RBM20: variants seen among roughly 807,000 people sequenced by gnomAD.
RBM20 encodes the protein RNA-binding protein 20.
RBM20 carries 51 observed loss-of-function variants against 110.1 expected under a neutral mutation model. That is an observed-to-expected ratio of 0.46 (90% CI 0.37 to 0.59). The LOEUF (loss-of-function observed/expected upper bound fraction) is 0.59. Ranked by LOEUF, RBM20 falls within the 20% of genes least tolerant of loss-of-function variation. RBM20 has a pLI of 0.00. For missense variants in RBM20, 1,512 were observed against 1,574.9 expected (o/e 0.96, Z 0.68); for synonymous variants, 589 against 618.2 (o/e 0.95, Z 0.70).
chr10:110,753,343 T>C (rs1334591097), intron 1 of RBM20, among the ~76,000 whole-genome samples: 2 of 152,120 alleles, frequency 1.3e-5, no homozygotes, highest in African/African-American at 2.4e-5. Flanking sequence ...TCCCAACTTA[T>C]TTTCTCTCAT....
intron 1 of RBM20, among the ~76,000 whole-genome samples, chr10:110,696,841 C>G (rs982859361): frequency 6.6e-6 from 1 of 152,178 alleles, no homozygotes; most frequent in Non-Finnish European, 1.5e-5. Flanking sequence ...ATAGTAAAGT[C>G]TGCAACTCTT....
intron 5 of RBM20, among the ~76,000 whole-genome samples, chr10:110,789,489 G>T (rs116224238): frequency 6.7e-6 from 1 of 149,662 alleles, no homozygotes; most frequent in Non-Finnish European, 1.5e-5. Context: ...ACAGGGTCTC[G>T]CTGTGTCACC....
At chr10:110,732,349 A>T (rs1260368230) in intron 1 of RBM20, among the ~76,000 whole-genome samples, 3 of 151,972 alleles carry the variant, frequency 2.0e-5, no homozygotes, top group African/African-American at 4.8e-5. Flanking sequence ...TATGAGAATT[A>T]TTTTTTATGA....
intron 9 of RBM20, among the ~76,000 whole-genome samples, chr10:110,815,667 T>A (rs1844828644): frequency 6.6e-6 from 1 of 152,234 alleles, no homozygotes; most frequent in Non-Finnish European, 1.5e-5. Context: ...CTCACACTCC[T>A]GAGACTCTGC....
chr10:110,709,892 A>G (rs1415524258), intron 1 of RBM20, among the ~76,000 whole-genome samples: 1 of 152,154 alleles, frequency 6.6e-6, no homozygotes, highest in Non-Finnish European at 1.5e-5. Context: ...CAAAAATCAT[A>G]AAGTTCAACT....
At chr10:110,802,351 T>G (rs1844638372) in intron 7 of RBM20, among the ~76,000 whole-genome samples, 2 of 151,470 alleles carry the variant, frequency 1.3e-5, no homozygotes, top group Non-Finnish European at 2.9e-5. Context: ...TGAAATTCCT[T>G]TACTAACAGT....
chr10:110,664,041 T>C (rs1862143635), intron 1 of RBM20, among the ~76,000 whole-genome samples: 1 of 152,218 alleles, frequency 6.6e-6, no homozygotes, highest in African/African-American at 2.4e-5. Flanking sequence ...ATTGGAAATA[T>C]TAGTAAGAAC....
At chr10:110,803,742 T>C (rs1026024383) in intron 7 of RBM20, among the ~76,000 whole-genome samples, 1 of 149,352 alleles carries the variant, frequency 6.7e-6, no homozygotes, top group African/African-American at 2.5e-5. Context: ...GTCCCTATGT[T>C]GATATGAATC....
intron 1 of RBM20, among the ~76,000 whole-genome samples, chr10:110,749,511 G>T (rs1843826673): frequency 1.3e-5 from 2 of 152,062 alleles, no homozygotes; most frequent in Non-Finnish European, 2.9e-5. Flanking sequence ...TCGTAGATAG[G>T]ATAGCTCATT....
chr10:110,718,608 CT>C (rs61629487), intron 1 of RBM20, among the ~76,000 whole-genome samples: 2,802 of 101,494 alleles, frequency 0.028, 23 homozygotes, highest in Middle Eastern at 0.043. Flanking sequence ...CTACTCCATT[CT>C]TTTTTTTTTT....
At chr10:110,693,546 T>G (rs1428663292) in intron 1 of RBM20, among the ~76,000 whole-genome samples, 5 of 152,230 alleles carry the variant, frequency 3.3e-5, no homozygotes, top group Non-Finnish European at 7.3e-5. Context: ...TAAACTAAAC[T>G]GTTGGCAAAT....
chr10:110,814,482 G>A (rs745348949), intron 9 of RBM20, among the ~76,000 whole-genome samples: 2 of 151,790 alleles, frequency 1.3e-5, no homozygotes, highest in Non-Finnish European at 2.9e-5. Context: ...GAAAAAAGCA[G>A]TTTGGGTTTT....
chr10:110,644,525 G>T lies in RBM20; in HGVS notation c.71G>T (p.Cys24Phe). ...CCGGAGCAGCCGGACAGAGTTGCCT[G>T]CAGTGTGCCTGGTGCCCGGGCGTCC... ...SGPEQPDRVACSVPGARASPA... is the reference protein window; with the variant it reads ...SGPEQPDRVAFSVPGARASPA... The change falls in exon 1 of 14, where the codon TGC (cysteine) becomes TTC (phenylalanine). Residue 24 changes from cysteine to phenylalanine, a missense_variant. Cys to Phe is a radical substitution (Grantham distance 205). Around this residue, in one of 3 missense-constraint regions of RBM20, gnomAD observed 1,149 missense variants for 1,169.4 expected, o/e 0.98. Transcript: ENST00000369519. This position sits in a 1 kb window ranked among gnomAD's most constrained non-coding sequence, Gnocchi z 4.3. 1 of 1,529,550 alleles carries T rather than the reference G, an allele frequency of 6.5e-7. No homozygotes were observed. The allele number at this position is 1,529,550 out of a possible 1,614,324, so 94.7% of individuals were successfully genotyped here.
At chr10:110,658,719 T>C (rs1207504724) in intron 1 of RBM20, among the ~76,000 whole-genome samples, 1 of 152,010 alleles carries the variant, frequency 6.6e-6, no homozygotes, top group African/African-American at 2.4e-5. Context: ...GGCCTTTAGG[T>C]TAAGGTTCAG....
chr10:110,661,465 A>C (rs1202513529), intron 1 of RBM20, among the ~76,000 whole-genome samples: 1 of 152,196 alleles, frequency 6.6e-6, no homozygotes, highest in African/African-American at 2.4e-5. Flanking sequence ...AGAGGCCAAA[A>C]AAGATTGGAA....
At chr10:110,792,851 A>G (rs1844501648) in intron 5 of RBM20, among the ~76,000 whole-genome samples, 1 of 152,226 alleles carries the variant, frequency 6.6e-6, no homozygotes, top group Admixed American at 6.5e-5. Flanking sequence ...TGTCTGAAAG[A>G]TGAACATGCT....
In RBM20 at chr10:110,737,068, T is replaced by C. The variant is rs1037535407; in HGVS notation, c.192-43733T>C. Among the ~76,000 whole-genome samples the C allele has an allele frequency of 2.0e-5, 3 of 150,006 alleles. No homozygotes were observed. In the East Asian group the frequency reaches 5.9e-4, roughly 29 times the overall value. The stretch of plus-strand genomic sequence containing the variant: ...GTTGCGCGCCTGTAATCCCAGCTAC[T>C]CGGGAGGCTGAGACAGGAGAATCAC... On this transcript the variant is annotated intron_variant, in intron 1 of 13. Transcript: ENST00000369519.
intron 1 of RBM20, among the ~76,000 whole-genome samples, chr10:110,730,232 T>A (rs1305798722): frequency 6.6e-6 from 1 of 152,232 alleles, no homozygotes; most frequent in East Asian, 1.9e-4. Context: ...ATTGGTTGCT[T>A]AGAACACATT....
Position 110,693,447 on chromosome 10 carries a change from C to A in RBM20, c.191+48802C>A, listed in dbSNP as rs79152077. On this transcript the variant is annotated intron_variant, in intron 1 of 13. Transcript: ENST00000369519. ...CTGATTCAATCTCCTTATTTGTTAT[C>A]GGTCTTTTCATATTTTCTACTTCTT... Among the ~76,000 whole-genome samples, 271 of 152,198 alleles carry A rather than the reference C, an allele frequency of 1.8e-3. 4 individuals carry two copies. The highest frequency in any genetic ancestry group is 0.014 in the Admixed American group (207 of 15,286).
Sources: gnomAD v4.1 joint callset for allele counts (sites outside exome capture counted in the v4.1 genomes callset) on GRCh38, gnomAD v4.1.1 for gene constraint, gnomAD v4.1.1 regional missense constraint, Gnocchi (gnomAD v3.1) non-coding constraint, MANE v1.5 for transcripts, NCBI Gene and HGNC (gene_info 2026-07-23, HGNC 2026-07-21) for gene names.